Variants in SLC9A9 observed in about 807,000 individuals in gnomAD.
SLC9A9 encodes the protein sodium/hydrogen exchanger 9.
SLC9A9 carries 62 observed loss-of-function variants against 77.8 expected under a neutral mutation model. The ratio of observed to expected loss-of-function variants is 0.80; its 90% CI spans 0.65 to 0.98. The LOEUF (loss-of-function observed/expected upper bound fraction) is 0.98, where lower values mean the gene tolerates loss of function less well. Among genes scored for constraint, SLC9A9 ranks in the 50% least tolerant of loss-of-function variants. The pLI, the probability that SLC9A9 is intolerant of heterozygous loss-of-function variation, is 0.00. For synonymous variants in SLC9A9, 320 were observed against 283.5 expected, an observed-to-expected ratio of 1.13 and a Z score of -1.29; for missense variants, 775 against 774.9, an observed-to-expected ratio of 1.00 and a Z score of 0.00.
intron 12 of SLC9A9, among the ~76,000 whole-genome samples, chr3:143,400,675 A>G (rs1324940762): frequency 6.6e-6 from 1 of 151,594 alleles, no homozygotes; most frequent in Non-Finnish European, 1.5e-5. Flanking sequence ...TTTCCCAAAA[A>G]CCTATGGAAA....
At chr3:143,736,159 G>A (rs1361454836) in intron 4 of SLC9A9, among the ~76,000 whole-genome samples, 1 of 152,008 alleles carries the variant, frequency 6.6e-6, no homozygotes, top group Non-Finnish European at 1.5e-5. Context: ...CTCTCTCTCT[G>A]GAAAGTTTAC....
intron 2 of SLC9A9, among the ~76,000 whole-genome samples, chr3:143,817,955 C>A (rs1045165103): frequency 1.3e-5 from 2 of 152,000 alleles, no homozygotes; most frequent in African/African-American, 2.4e-5. Context: ...AAAAGTCTGA[C>A]AGAAGGCTTA....
chr3:143,408,293 A>G (rs2034023043), intron 12 of SLC9A9, among the ~76,000 whole-genome samples: 1 of 152,122 alleles, frequency 6.6e-6, no homozygotes. Flanking sequence ...GGTGATTTGG[A>G]TGCTGGTGGT....
chr3:143,796,774 G>A, intron 3 of SLC9A9, 52 bp downstream of exon 3: 1 of 1,326,004 alleles, frequency 7.5e-7, no homozygotes, highest in African/African-American at 1.5e-5. Context: ...ATTAGTGCTG[G>A]TAAAATTCTC....
At chr3:143,606,436 C>CTATATA (rs60773685) in intron 6 of SLC9A9, among the ~76,000 whole-genome samples, 876 of 54,142 alleles carry the variant, frequency 0.016, 30 homozygotes, top group Middle Eastern at 0.039. Context: ...CTCTCTCTCT[C>CTATATA]TATATATATA....
At chr3:143,728,658 G>A (rs1934724752) in intron 4 of SLC9A9, among the ~76,000 whole-genome samples, 1 of 152,176 alleles carries the variant, frequency 6.6e-6, no homozygotes, top group African/African-American at 2.4e-5. Flanking sequence ...AGGCCACGAA[G>A]GAGACCATTG....
chr3:143,709,442 TA>T (rs1934083288), intron 4 of SLC9A9, among the ~76,000 whole-genome samples: 1 of 152,132 alleles, frequency 6.6e-6, no homozygotes, highest in South Asian at 2.1e-4. Flanking sequence ...CCATTTCTAA[TA>T]AGGTTCCAGG....
At chr3:143,316,898 G>A (rs2031233206) in intron 14 of SLC9A9, among the ~76,000 whole-genome samples, 1 of 152,116 alleles carries the variant, frequency 6.6e-6, no homozygotes, top group African/African-American at 2.4e-5. Flanking sequence ...GAGTAACTGA[G>A]GCTCAGAGAG....
chr3:143,631,120 C>T (rs2038416743), intron 6 of SLC9A9, among the ~76,000 whole-genome samples: 2 of 152,118 alleles, frequency 1.3e-5, no homozygotes, highest in Non-Finnish European at 2.9e-5. Context: ...CTAAATAAAT[C>T]AATACCCAAT....
intron 14 of SLC9A9, among the ~76,000 whole-genome samples, chr3:143,271,534 G>A (rs577027351): frequency 2.0e-5 from 3 of 152,320 alleles, no homozygotes; most frequent in East Asian, 3.9e-4. Context: ...CTCATTGTTC[G>A]ATAATGATGG....
intron 7 of SLC9A9, among the ~76,000 whole-genome samples, chr3:143,575,374 C>T (rs1021486260): frequency 3.3e-5 from 5 of 152,114 alleles, no homozygotes; most frequent in Non-Finnish European, 7.4e-5. Flanking sequence ...CTGAGTTTTC[C>T]TGTCTGAAAA....
chr3:143,492,041 C>T (rs2035755336), intron 11 of SLC9A9, among the ~76,000 whole-genome samples: 1 of 152,100 alleles, frequency 6.6e-6, no homozygotes. Context: ...GCCTGTAATC[C>T]CAGCACTTTG....
At chr3:143,755,642 G>C (rs1423362216) in intron 4 of SLC9A9, among the ~76,000 whole-genome samples, 1 of 152,016 alleles carries the variant, frequency 6.6e-6, no homozygotes, top group Non-Finnish European at 1.5e-5. Context: ...ATGAAAGATA[G>C]AAATATGGCA....
chr3:143,716,319 C>G (rs1043533859), intron 4 of SLC9A9, among the ~76,000 whole-genome samples: 3 of 152,112 alleles, frequency 2.0e-5, no homozygotes, highest in Non-Finnish European at 2.9e-5. Flanking sequence ...AGCAATTCTC[C>G]CACCTCAGCC....
chr3:143,312,530 T>C (rs1259373540), intron 14 of SLC9A9, among the ~76,000 whole-genome samples: 1 of 152,232 alleles, frequency 6.6e-6, no homozygotes, highest in Non-Finnish European at 1.5e-5. Context: ...GAGGGTGAGA[T>C]GGGATCCAGT....
chr3:143,761,477 A>C (rs2007120168), intron 4 of SLC9A9, among the ~76,000 whole-genome samples: 2 of 152,228 alleles, frequency 1.3e-5, no homozygotes, highest in Non-Finnish European at 2.9e-5. Flanking sequence ...ATCTACAATG[A>C]ACTCAAACAA....
At chr3:143,633,917 A>G (rs1156285850) in intron 6 of SLC9A9, among the ~76,000 whole-genome samples, 2 of 152,204 alleles carry the variant, frequency 1.3e-5, no homozygotes, top group African/African-American at 4.8e-5. Context: ...TTTTCTCCCA[A>G]AGGAATAGCC....
chr3:143,494,931 GA>G (rs1332169476), intron 10 of SLC9A9, among the ~76,000 whole-genome samples: 1 of 152,154 alleles, frequency 6.6e-6, no homozygotes, highest in African/African-American at 2.4e-5. Flanking sequence ...ATCTTGCAAT[GA>G]AAACATTTCC....
intron 11 of SLC9A9, among the ~76,000 whole-genome samples, chr3:143,484,799 G>C (rs971643540): frequency 6.6e-6 from 1 of 152,132 alleles, no homozygotes; most frequent in African/African-American, 2.4e-5. Context: ...TTCAACTCAG[G>C]GTTAAGAGAT....
Sources: allele counts gnomAD v4.1 joint callset (sites outside exome capture counted in the v4.1 genomes callset), GRCh38; gene constraint gnomAD v4.1.1; transcripts MANE v1.5; gene names NCBI Gene and HGNC (gene_info 2026-07-23, HGNC 2026-07-21).